The following MBTPS1 variants were observed in gnomAD, a reference collection of about 807,000 sequenced individuals.
MBTPS1 encodes the protein membrane-bound transcription factor site-1 protease.
Under a neutral mutation model 127.8 loss-of-function variants are expected in MBTPS1, and 94 were observed. That is an observed-to-expected ratio of 0.74 (90% CI 0.62 to 0.87). The LOEUF (loss-of-function observed/expected upper bound fraction) is 0.87. Among genes scored for constraint, MBTPS1 ranks in the 40% least tolerant of loss-of-function variants. The pLI, the probability that MBTPS1 is intolerant of heterozygous loss-of-function variation, is 0.00. For synonymous variants in MBTPS1, 632 were observed against 509.4 expected (o/e 1.24, Z -3.24); for missense variants, 1,636 against 1,353.2 (o/e 1.21, Z -3.28).
intron 7 of MBTPS1, 65 bp downstream of exon 7, chr16:84,091,667 G>T: frequency 9.3e-7 from 1 of 1,078,778 alleles, no homozygotes; most frequent in Non-Finnish European, 1.4e-6. Context: ...TAGATATGAT[G>T]CAAAGTTGGG....
intron 1 of MBTPS1, among the ~76,000 whole-genome samples, chr16:84,109,069 A>G (rs2086364446): frequency 6.6e-6 from 1 of 152,364 alleles, no homozygotes; most frequent in Non-Finnish European, 1.5e-5. Context: ...TCCCAACAGC[A>G]AGGAGCCCAC....
chr16:84,097,555 T>C (rs1467503377), intron 3 of MBTPS1, among the ~76,000 whole-genome samples: 10 of 152,186 alleles, frequency 6.6e-5, no homozygotes, highest in African/African-American at 2.4e-4. Context: ...CCAGAGAGTC[T>C]AGGATTCTTG....
chr16:84,063,633 C>T (rs1221646501), intron 18 of MBTPS1, among the ~76,000 whole-genome samples, 188 bp from the exon 19 acceptor site: 5 of 152,138 alleles, frequency 3.3e-5, no homozygotes, highest in African/African-American at 4.8e-5. Context: ...GTCTTAAGTG[C>T]CATTGATTTG....
intron 3 of MBTPS1, among the ~76,000 whole-genome samples, chr16:84,096,689 ATG>A (rs1243102086): frequency 6.6e-6 from 1 of 152,230 alleles, no homozygotes; most frequent in African/African-American, 2.4e-5. Flanking sequence ...ACCTACACCC[ATG>A]TTAAGTACAG....
Position 84,101,767 on chromosome 16 carries a change from A to T in MBTPS1, c.17T>A (p.Ile6Asn). 1.2e-6 allele frequency: 2 copies of T among 1,613,560 alleles called. No individual in the cohort carries two copies. Among genetic ancestry groups the T allele is most frequent in the Non-Finnish European group, 1.7e-6 (2 of 1,179,768 alleles). The change falls in exon 2 of 23, where the codon ATC becomes AAC. Residue 6 changes from isoleucine (I) to asparagine (N), a missense_variant. Physicochemically the swap from Ile to Asn is moderately radical, Grantham distance 149. Coordinates refer to ENST00000343411, the MANE Select transcript of MBTPS1 (RefSeq NM_003791.4). MKLVNIWLLLLVVLLC... is the reference protein window; with the variant it reads MKLVNNWLLLLVVLLC... ...CAAAACCACGAGCAGAAGCAGCCAGATGTTGACAAGCTTCATGGTCACAAG... is the reference window on the plus strand; with the variant it reads ...CAAAACCACGAGCAGAAGCAGCCAGTTGTTGACAAGCTTCATGGTCACAAG...
At chr16:84,093,618 G>C (rs2086140394) in intron 5 of MBTPS1, 93 bp downstream of exon 5, 6 of 917,810 alleles carry the variant, frequency 6.5e-6, no homozygotes, top group Middle Eastern at 2.1e-4. Context: ...CCTTGGGCTT[G>C]TCTGAATAAT....
At chr16:84,067,548 G>T in intron 16 of MBTPS1, 119 bp downstream of exon 16, 1 of 804,458 alleles carries the variant, frequency 1.2e-6, no homozygotes, top group Middle Eastern at 2.7e-4. Context: ...CAAGCTCTCT[G>T]AATGTGTCTG....
Position 84,065,712 on chromosome 16 carries a change from T to A in MBTPS1, c.2409A>T (p.Ile803=). 3 of 1,612,818 alleles carry A rather than the reference T, an allele frequency of 1.9e-6. No individual in the cohort carries two copies. The highest frequency in any genetic ancestry group is 3.4e-5 in the Admixed American group (2 of 59,674). ...IAKFPEDGVV[I]TQTFKDQGLE... ...TACCTTGGTCCTTGAAAGTCTGTGT[T>A]ATCACGACGCCATCTTCTGGAAACT... The change falls in exon 18 of 23, where the codon ATA becomes ATT. Residue 803 remains isoleucine, a synonymous_variant. Coordinates refer to ENST00000343411, the MANE Select transcript of MBTPS1 (RefSeq NM_003791.4).
intron 1 of MBTPS1, chr16:84,109,637 CA>C (rs2086372889): frequency 6.6e-6 from 1 of 152,094 alleles, no homozygotes; most frequent in African/African-American, 2.4e-5. Context: ...GGACATTCTA[CA>C]GAATCAACTG....
intron 18 of MBTPS1, 38 bp downstream of exon 18, chr16:84,065,652 A>T: frequency 7.3e-7 from 1 of 1,364,172 alleles, no homozygotes; most frequent in Non-Finnish European, 1.1e-6. Flanking sequence ...GGAGCGAGAG[A>T]AAGAAGAAGC....
At chr16:84,114,252 C>T (rs1220906772) in intron 1 of MBTPS1, among the ~76,000 whole-genome samples, 1 of 152,078 alleles carries the variant, frequency 6.6e-6, no homozygotes, top group Non-Finnish European at 1.5e-5. Flanking sequence ...TGAGCCATCA[C>T]GCCCGGTCGA....
chr16:84,058,983 GGC>G (rs1330843655), intron 21 of MBTPS1, among the ~76,000 whole-genome samples: 1 of 152,094 alleles, frequency 6.6e-6, no homozygotes, highest in Non-Finnish European at 1.5e-5. Context: ...CACTGCAGCC[GGC>G]AGCTCTTAAC....
At chr16:84,101,574 T>TA (rs745523118) in intron 2 of MBTPS1, 47 bp downstream of exon 2, 4 of 1,506,482 alleles carry the variant, frequency 2.7e-6, no homozygotes, top group Non-Finnish European at 3.6e-6. Context: ...AAGTAAGCTT[T>TA]AAAAAAATAG....
intron 22 of MBTPS1, 28 bp downstream of exon 22, chr16:84,055,977 C>T (rs2085515703): frequency 6.2e-7 from 1 of 1,600,926 alleles, no homozygotes; most frequent in East Asian, 2.2e-5. Flanking sequence ...GATGACTGAG[C>T]ACAATCACAA....
intron 19 of MBTPS1, among the ~76,000 whole-genome samples, chr16:84,062,747 AGACT>A (rs1384186054): frequency 6.6e-6 from 1 of 152,200 alleles, no homozygotes; most frequent in Non-Finnish European, 1.5e-5. Flanking sequence ...ATGCATCGAG[AGACT>A]GACATAAAGA....
At chr16:84,104,005 G>T (rs2086291452) in intron 1 of MBTPS1, among the ~76,000 whole-genome samples, 1 of 152,186 alleles carries the variant, frequency 6.6e-6, no homozygotes, top group African/African-American at 2.4e-5. Flanking sequence ...AGGTTTGACA[G>T]AAGTTTGCTC....
At chr16:84,054,843 C>T (rs2085496762) in intron 22 of MBTPS1, among the ~76,000 whole-genome samples, 198 bp from the exon 23 acceptor site, 1 of 152,196 alleles carries the variant, frequency 6.6e-6, no homozygotes, top group African/African-American at 2.4e-5. Context: ...CAAAGAGCAG[C>T]CACTTCCTGT....
chr16:84,057,224 T>A (rs2085535650), intron 21 of MBTPS1: 1 of 152,216 alleles, frequency 6.6e-6, no homozygotes, highest in South Asian at 2.1e-4. Context: ...ACCCGCCCTA[T>A]TTTATAGGAT....
rs908191358 is a variant in MBTPS1, at chr16:84,080,136, G to A, written c.1448+1611C>T. On this transcript the variant is annotated intron_variant, in intron 11 of 22. Coordinates refer to ENST00000343411, the MANE Select transcript of MBTPS1 (RefSeq NM_003791.4). The stretch of plus-strand genomic sequence containing the variant: ...TGGAGCTCCCAACAGCCAACTCGGG[G>A]ACAATTTGAACGACCCACTAAATGA... 3.3e-5 allele frequency among the ~76,000 whole-genome samples: 5 copies of A among 152,028 alleles called. 1 individual carries two copies. Among genetic ancestry groups the A allele is most frequent in the Admixed American group, 6.6e-5 (1 of 15,266 alleles).
Sources: gnomAD v4.1 joint callset for allele counts (sites outside exome capture counted in the v4.1 genomes callset) on GRCh38, gnomAD v4.1.1 for gene constraint, MANE v1.5 for transcripts, NCBI Gene and HGNC (gene_info 2026-07-23, HGNC 2026-07-21) for gene names.